The following ETV1 variants were observed in gnomAD, a reference collection of about 807,000 sequenced individuals.
ETV1 encodes the protein ETS variant transcription factor 1.
ETV1 carries 27 observed loss-of-function variants against 62.3 expected under a neutral mutation model. The observed-to-expected ratio is 0.43, with a 90% confidence interval of 0.32 to 0.60. The LOEUF is 0.60. Among genes scored for constraint, ETV1 ranks in the 20% least tolerant of loss-of-function variants. ETV1 has a pLI of 0.06. For synonymous variants in ETV1, 222 were observed against 199.6 expected, an observed-to-expected ratio of 1.11 and a Z score of -0.94; for missense variants, 605 against 605.8, an observed-to-expected ratio of 1.00 and a Z score of 0.01.
chr7:13,957,299 G>T (rs574495044), intron 6 of ETV1, among the ~76,000 whole-genome samples: 2 of 152,046 alleles, frequency 1.3e-5, no homozygotes, highest in South Asian at 4.2e-4. Flanking sequence ...TGTTAGCCAG[G>T]ATGGTCTCGA....
chr7:13,988,246 A>ACG (rs1782732729), intron 3 of ETV1, 73 bp from the exon 4 acceptor site: 9 of 833,740 alleles, frequency 1.1e-5, no homozygotes, highest in Non-Finnish European at 1.9e-5. Context: ...GCGCGCGCAC[A>ACG]CACACACACA....
At position 13,914,953 on chromosome 7, in the gene ETV1, C is replaced by A. The variant is rs149681636; in HGVS notation, c.803-3646G>T. Among the ~76,000 whole-genome samples the A allele has an allele frequency of 2.7e-3, 418 of 152,244 alleles. 5 individuals are homozygous for A. Among genetic ancestry groups the A allele is most frequent in the African/African-American group, 9.8e-3 (408 of 41,550 alleles). On this transcript the variant is annotated intron_variant, in intron 9 of 13. Coordinates refer to ENST00000430479, the MANE Select transcript of ETV1 (RefSeq NM_004956.5). ...CTCTGCTATCAAATAGTGTGTAAAT[C>A]TGGAATTATAACATATTATAACCTC...
At chr7:13,932,612 C>T (rs2128452037) in intron 8 of ETV1, among the ~76,000 whole-genome samples, 1 of 152,284 alleles carries the variant, frequency 6.6e-6, no homozygotes. Flanking sequence ...CTTGGTTATA[C>T]TTTATAACAA....
At chr7:13,940,751 T>C (rs1787407746) in intron 6 of ETV1, among the ~76,000 whole-genome samples, 1 of 152,212 alleles carries the variant, frequency 6.6e-6, no homozygotes, top group African/African-American at 2.4e-5. Flanking sequence ...AATTATAAAC[T>C]TGCATTAGCT....
chr7:13,938,998 T>A (rs1045832388), intron 7 of ETV1, 119 bp downstream of exon 7: 1 of 945,018 alleles, frequency 1.1e-6, no homozygotes, highest in South Asian at 1.5e-5. Context: ...CATTACCTAA[T>A]TAGCTTGTTA....
In ETV1 at chr7:13,903,221, AAG is replaced by A. The variant is rs1206870979; in HGVS notation, c.1111-2384_1111-2383del. Reference sequence around the variant, plus strand: ...CAAATGAAAACTTGAGTTGTTAGTGAAGAGAGTAAAAAGATGATAGCACTATG... The same window carrying A: ...CAAATGAAAACTTGAGTTGTTAGTGAAGAGTAAAAAGATGATAGCACTATG... On this transcript the variant is annotated intron_variant, in intron 12 of 13. Coordinates refer to ENST00000430479, the MANE Select transcript of ETV1 (RefSeq NM_004956.5). Among the ~76,000 whole-genome samples, 11 of 152,332 alleles carry A rather than the reference AAG, an allele frequency of 7.2e-5. 1 individual carries two copies. Among genetic ancestry groups the A allele is most frequent in the African/African-American group, 2.6e-4 (11 of 41,578 alleles).
chr7:13,933,207 G>A (rs768769215), intron 8 of ETV1, among the ~76,000 whole-genome samples: 1 of 152,180 alleles, frequency 6.6e-6, no homozygotes, highest in African/African-American at 2.4e-5. Context: ...GTAACTGAAA[G>A]CTTTGTAAGG....
intron 9 of ETV1, among the ~76,000 whole-genome samples, chr7:13,924,202 G>A (rs1785159921): frequency 6.6e-6 from 1 of 152,160 alleles, no homozygotes; most frequent in African/African-American, 2.4e-5. Flanking sequence ...ACAGCTGAAG[G>A]TGAAGTGTAA....
chr7:13,900,921 C>T, intron 12 of ETV1, 82 bp from the exon 13 acceptor site: 1 of 900,132 alleles, frequency 1.1e-6, no homozygotes, highest in South Asian at 1.8e-5. Flanking sequence ...TTAATTACTT[C>T]CAAACCCACA....
At chr7:13,921,546 AT>A (rs1784852666) in intron 9 of ETV1, among the ~76,000 whole-genome samples, 1 of 152,310 alleles carries the variant, frequency 6.6e-6, no homozygotes, top group Non-Finnish European at 1.5e-5. Flanking sequence ...GTCCCTGTGT[AT>A]ATCTCTAAAC....
At chr7:13,896,753 A>AAAGAAAGAAAGG (rs1562578035) in intron 13 of ETV1, among the ~76,000 whole-genome samples, 2 of 146,268 alleles carry the variant, frequency 1.4e-5, no homozygotes, top group Non-Finnish European at 3.0e-5. Flanking sequence ...GGAAAGAAAG[A>AAAGAAAGAAAGG]AAGAAAGAAA....
chr7:13,976,623 G>T (rs1003769123), intron 6 of ETV1, among the ~76,000 whole-genome samples: 1 of 152,150 alleles, frequency 6.6e-6, no homozygotes, highest in Admixed American at 6.5e-5. Flanking sequence ...TCATAATTAA[G>T]ATGGCATTTA....
At chr7:13,920,198 G>T (rs1784679268) in intron 9 of ETV1, among the ~76,000 whole-genome samples, 1 of 152,098 alleles carries the variant, frequency 6.6e-6, no homozygotes, top group Non-Finnish European at 1.5e-5. Context: ...CTGTGGGGCT[G>T]AAATGACATA....
Position 13,891,795 on chromosome 7 carries a change from T to G in ETV1, c.*4071A>C, listed in dbSNP as rs1200483945. ...ACCATCACTTTTACCCAATTTGTAT[T>G]TTTTTAATAATTCTATTTCCTCTCT... On this transcript the variant is annotated 3_prime_UTR_variant, in exon 14 of 14. Coordinates refer to ENST00000430479, the MANE Select transcript of ETV1 (RefSeq NM_004956.5). The G allele has an allele frequency of 4.3e-6, 1 of 231,878 alleles. No homozygotes were observed. The highest frequency in any genetic ancestry group is 8.5e-6 in the Non-Finnish European group (1 of 117,328). The allele number at this position is 231,878 out of a possible 1,614,324, so 14.4% of individuals were successfully genotyped here. A position where few individuals can be genotyped will look rare whatever the true frequency, so the allele number is the denominator to read the frequency against.
chr7:13,939,581 C>G (rs892968032), intron 6 of ETV1, among the ~76,000 whole-genome samples: 11 of 152,106 alleles, frequency 7.2e-5, no homozygotes, highest in African/African-American at 2.7e-4. Flanking sequence ...TTTCCAATGA[C>G]TAAAGCAGAA....
chr7:13,984,065 G>T (rs1000950301), intron 5 of ETV1, among the ~76,000 whole-genome samples: 5 of 151,700 alleles, frequency 3.3e-5, no homozygotes, highest in Non-Finnish European at 7.4e-5. Flanking sequence ...AATATTTGAG[G>T]ACTTTTATAA....
At chr7:13,915,202 G>A (rs569357193) in intron 9 of ETV1, among the ~76,000 whole-genome samples, 22 of 152,248 alleles carry the variant, frequency 1.4e-4, no homozygotes, top group African/African-American at 5.3e-4. Flanking sequence ...ACTCCTTGTG[G>A]AGTTGATATG....
rs564654805 is a variant in ETV1 at position 13,895,401 on chromosome 7, C to G, written c.*465G>C. On this transcript the variant is annotated 3_prime_UTR_variant, in exon 14 of 14. Transcript: ENST00000430479. ...CAGTAGATTGGGGTTTTTTTGTACA[C>G]CTGCAGAGACTCATAAATGACAGGG... 12 of 237,532 alleles carry G rather than the reference C, an allele frequency of 5.1e-5. No homozygotes were observed. In the South Asian group the frequency reaches 1.9e-3, roughly 37 times the overall value. The allele number at this position is 237,532 out of a possible 1,614,324, so 14.7% of individuals were successfully genotyped here.
chr7:13,921,634 A>C (rs1360084738), intron 9 of ETV1, among the ~76,000 whole-genome samples: 1 of 152,202 alleles, frequency 6.6e-6, no homozygotes, highest in African/African-American at 2.4e-5. Flanking sequence ...CTTTGGTTTT[A>C]AACCTGGGAA....
Sources: gnomAD v4.1 joint callset for allele counts (sites outside exome capture counted in the v4.1 genomes callset) on GRCh38, gnomAD v4.1.1 for gene constraint, MANE v1.5 for transcripts, NCBI Gene and HGNC (gene_info 2026-07-23, HGNC 2026-07-21) for gene names.